The following THEMIS variants were observed in gnomAD, a reference collection of about 807,000 sequenced individuals.
The protein encoded by THEMIS is thymocyte selection associated.
In THEMIS, 37 loss-of-function variants were observed where a neutral mutation model predicts 52.6. That is an observed-to-expected ratio of 0.70 (90% CI 0.54 to 0.93). The LOEUF (loss-of-function observed/expected upper bound fraction) is 0.93. Among genes scored for constraint, THEMIS ranks in the 40% least tolerant of loss-of-function variants. The probability of loss-of-function intolerance (pLI) is 0.00; values close to 1 mark genes in which losing one functional copy is unlikely to be tolerated. For missense variants in THEMIS, 808 were observed against 763.1 expected (o/e 1.06, Z -0.69); for synonymous variants, 292 against 272.7 (o/e 1.07, Z -0.70).
intron 2 of THEMIS, among the ~76,000 whole-genome samples, chr6:127,837,606 A>ATG (rs1247498969): frequency 6.6e-5 from 10 of 151,906 alleles, no homozygotes; most frequent in Admixed American, 2.0e-4. Flanking sequence ...TGTGTGTAGT[A>ATG]TGTGTATATA....
intron 5 of THEMIS, among the ~76,000 whole-genome samples, chr6:127,710,657 C>T (rs1386159430): frequency 2.0e-5 from 3 of 152,018 alleles, no homozygotes; most frequent in Admixed American, 6.6e-5. Context: ...TCAAATAAAG[C>T]AAGCTACGCT....
chr6:127,863,166 C>G (rs1779862291), intron 1 of THEMIS, among the ~76,000 whole-genome samples: 1 of 152,138 alleles, frequency 6.6e-6, no homozygotes, highest in Non-Finnish European at 1.5e-5. Flanking sequence ...TGTATATAAC[C>G]CAATGGCAGT....
chr6:127,877,886 A>C (rs1020344383), intron 1 of THEMIS, among the ~76,000 whole-genome samples: 30 of 152,086 alleles, frequency 2.0e-4, no homozygotes, highest in African/African-American at 7.0e-4. Flanking sequence ...GTGAAGCACA[A>C]AAAAAAATGA....
chr6:127,746,101 C>T (rs11961168), intron 4 of THEMIS, among the ~76,000 whole-genome samples: 23,647 of 151,676 alleles, frequency 0.16, 2,090 homozygotes, highest in African/African-American at 0.24. Context: ...TATTTCTCCT[C>T]GTCTTCCCAA....
chr6:127,856,452 A>T (rs556833095), intron 1 of THEMIS, among the ~76,000 whole-genome samples: 3 of 152,020 alleles, frequency 2.0e-5, no homozygotes, highest in African/African-American at 7.2e-5. Context: ...AAATGTCCTG[A>T]CCTCACTCTT....
intron 4 of THEMIS, among the ~76,000 whole-genome samples, chr6:127,733,411 T>C (rs916525078): frequency 3.9e-5 from 6 of 152,194 alleles, no homozygotes; most frequent in Admixed American, 3.9e-4. Context: ...TTAAACTAGT[T>C]AATACAATGT....
At chr6:127,859,547 A>T (rs531530513) in intron 1 of THEMIS, among the ~76,000 whole-genome samples, 1 of 152,272 alleles carries the variant, frequency 6.6e-6, no homozygotes, top group South Asian at 2.1e-4. Flanking sequence ...GTGTCATTGT[A>T]AAATGACAAT....
intron 1 of THEMIS, among the ~76,000 whole-genome samples, chr6:127,897,793 T>G (rs1562328309): frequency 6.6e-6 from 1 of 151,664 alleles, no homozygotes; most frequent in African/African-American, 2.4e-5. Context: ...TTTTATGCCC[T>G]ACTTAATGCA....
intron 4 of THEMIS, among the ~76,000 whole-genome samples, chr6:127,807,632 G>A (rs963372564): frequency 1.3e-5 from 2 of 152,198 alleles, no homozygotes; most frequent in Non-Finnish European, 2.9e-5. Context: ...TATATTACAC[G>A]AAAAGGACCT....
rs529967455 is a variant in THEMIS at position 127,785,398 on chromosome 6, T to C, written c.1758+27485A>G. Among the ~76,000 whole-genome samples, 12 of 151,906 alleles carry C rather than the reference T, an allele frequency of 7.9e-5. No individual in the cohort carries two copies. In the East Asian group the frequency reaches 2.1e-3, roughly 27 times the overall value. ...CAATACTTTCTGCAGCACACCAACA[T>C]GGCACATGTATACATATGTAACAAA... On this transcript the variant is annotated intron_variant, in intron 4 of 5. Coordinates refer to ENST00000368248, the MANE Select transcript of THEMIS (RefSeq NM_001010923.3).
intron 4 of THEMIS, among the ~76,000 whole-genome samples, chr6:127,727,777 A>G (rs964174237): frequency 2.0e-5 from 3 of 152,110 alleles, no homozygotes; most frequent in African/African-American, 7.2e-5. Flanking sequence ...TATAAAATGC[A>G]TGCTCTGTTG....
chr6:127,700,428 G>A, the THEMIS span, among the ~76,000 whole-genome samples: 1 of 151,782 alleles, frequency 6.6e-6, no homozygotes, highest in Non-Finnish European at 1.5e-5. Flanking sequence ...AATATCATAT[G>A]CATTAAGTAC....
At chr6:127,698,637 T>C in the THEMIS span, among the ~76,000 whole-genome samples, 12 of 152,080 alleles carry the variant, frequency 7.9e-5, no homozygotes, top group African/African-American at 2.7e-4. Context: ...GAAACAATCA[T>C]ACAGGACCTA....
chr6:127,767,255 C>G (rs964913324), intron 4 of THEMIS, among the ~76,000 whole-genome samples: 1 of 151,878 alleles, frequency 6.6e-6, no homozygotes, highest in South Asian at 2.1e-4. Context: ...TCACACTCAG[C>G]TAATTTTTTG....
chr6:127,796,966 T>C (rs907400125), intron 4 of THEMIS, among the ~76,000 whole-genome samples: 2 of 152,204 alleles, frequency 1.3e-5, no homozygotes, highest in African/African-American at 4.8e-5. Flanking sequence ...TTCATAAAAA[T>C]CCACTTGACT....
intron 4 of THEMIS, among the ~76,000 whole-genome samples, chr6:127,770,356 C>T (rs1207217773): frequency 6.6e-6 from 1 of 152,162 alleles, no homozygotes; most frequent in African/African-American, 2.4e-5. Flanking sequence ...TTTTGATTTG[C>T]ATTTTTCTAA....
chr6:127,713,035 T>G (rs1218864615), intron 5 of THEMIS, among the ~76,000 whole-genome samples: 1 of 151,884 alleles, frequency 6.6e-6, no homozygotes, highest in Non-Finnish European at 1.5e-5. Flanking sequence ...CTCAATGTGA[T>G]GGTGAACACT....
chr6:127,866,750 C>T (rs971348145), intron 1 of THEMIS, among the ~76,000 whole-genome samples: 1 of 151,560 alleles, frequency 6.6e-6, no homozygotes, highest in African/African-American at 2.4e-5. Context: ...AGCACAAAAC[C>T]AGATATTATC....
chr6:127,886,809 C>G (rs1041071127), intron 1 of THEMIS, among the ~76,000 whole-genome samples: 3 of 152,112 alleles, frequency 2.0e-5, no homozygotes, highest in Non-Finnish European at 4.4e-5. Context: ...GAACTCTGCC[C>G]TATACTGCTG....
Sources: allele counts gnomAD v4.1 joint callset (sites outside exome capture counted in the v4.1 genomes callset), GRCh38; gene constraint gnomAD v4.1.1; transcripts MANE v1.5; gene names NCBI Gene and HGNC (gene_info 2026-07-23, HGNC 2026-07-21).